Variants in GABRB1 observed in about 807,000 individuals in gnomAD.
GABRB1 encodes the protein gamma-aminobutyric acid type A receptor subunit beta1, also known as gamma-aminobutyric acid receptor subunit beta-1.
A neutral mutation model predicts 51.6 loss-of-function variants in GABRB1; 17 were observed. The ratio of observed to expected loss-of-function variants is 0.33; its 90% CI spans 0.23 to 0.49. The LOEUF (loss-of-function observed/expected upper bound fraction) is 0.49. Among genes scored for constraint, GABRB1 ranks in the 20% least tolerant of loss-of-function variants. The pLI is 0.99. For synonymous variants in GABRB1, 247 were observed against 218.9 expected, an observed-to-expected ratio of 1.13 and a Z score of -1.14; for missense variants, 410 against 600.6, an observed-to-expected ratio of 0.68 and a Z score of 3.32.
chr4:47,055,990 T>G (rs1726580962), intron 3 of GABRB1, among the ~76,000 whole-genome samples: 1 of 152,166 alleles, frequency 6.6e-6, no homozygotes, highest in Non-Finnish European at 1.5e-5. Context: ...CATTAGTAAG[T>G]CCTAAACCAA....
chr4:47,189,221 T>G (rs1719325528), intron 4 of GABRB1, among the ~76,000 whole-genome samples: 1 of 151,906 alleles, frequency 6.6e-6, no homozygotes, highest in African/African-American at 2.4e-5. Context: ...GCAATGGACA[T>G]ACTTGGAAAG....
chr4:47,383,321 G>A (rs1727657183), intron 5 of GABRB1, among the ~76,000 whole-genome samples: 1 of 152,058 alleles, frequency 6.6e-6, no homozygotes, highest in South Asian at 2.1e-4. Context: ...TATGATTATT[G>A]GAGGTTGTGT....
intron 4 of GABRB1, among the ~76,000 whole-genome samples, chr4:47,205,277 T>A (rs1032595431): frequency 1.3e-5 from 2 of 152,114 alleles, no homozygotes; most frequent in Non-Finnish European, 2.9e-5. Context: ...AAAGAGAAAA[T>A]GTAACAGAGA....
intron 4 of GABRB1, among the ~76,000 whole-genome samples, chr4:47,302,369 T>G (rs1724292436): frequency 1.3e-5 from 2 of 152,090 alleles, no homozygotes; most frequent in South Asian, 4.1e-4. Flanking sequence ...TTTACTTATT[T>G]TTATTAGAAA....
chr4:47,128,971 T>G (rs112936876), intron 3 of GABRB1, among the ~76,000 whole-genome samples: 30 of 152,134 alleles, frequency 2.0e-4, no homozygotes, highest in African/African-American at 7.0e-4. Context: ...TGGTAAAAGC[T>G]AAGGAAATAA....
In GABRB1 at chr4:47,283,612, T is replaced by G. The variant is rs200087067; in HGVS notation, c.462-36515T>G. On this transcript the variant is annotated intron_variant, in intron 4 of 8. Coordinates refer to ENST00000295454, the MANE Select transcript of GABRB1 (RefSeq NM_000812.4). ...ACTGTGTTAGCCAGGATGGTCTCCA[T>G]CTCCTGACCTCGTGATCCACCTGCC... Among the ~76,000 whole-genome samples the G allele has an allele frequency of 2.6e-4, 40 of 151,574 alleles. No homozygotes were observed. The East Asian group carries it at 7.4e-3, about 28-fold the overall frequency.
chr4:47,300,726 A>G (rs1724228909), intron 4 of GABRB1, among the ~76,000 whole-genome samples: 1 of 152,114 alleles, frequency 6.6e-6, no homozygotes, highest in African/African-American at 2.4e-5. Flanking sequence ...GTGTGCTTAT[A>G]AATCCAGATC....
At chr4:47,123,893 T>C (rs1715983758) in intron 3 of GABRB1, among the ~76,000 whole-genome samples, 1 of 80,518 alleles carries the variant, frequency 1.2e-5, no homozygotes, top group Non-Finnish European at 2.5e-5. Context: ...ATATATATAA[T>C]ATATAATATA....
At chr4:47,363,488 C>G (rs1726875784) in intron 5 of GABRB1, among the ~76,000 whole-genome samples, 1 of 152,048 alleles carries the variant, frequency 6.6e-6, no homozygotes, top group East Asian at 1.9e-4. Flanking sequence ...GATCCTGAAA[C>G]AGCTATCCCA....
At chr4:47,251,851 G>C (rs369474379) in intron 4 of GABRB1, among the ~76,000 whole-genome samples, 1 of 152,106 alleles carries the variant, frequency 6.6e-6, no homozygotes, top group East Asian at 1.9e-4. Context: ...CCACCTAACA[G>C]CCCTGAGTCT....
At chr4:47,075,217 T>C (rs1438572536) in intron 3 of GABRB1, among the ~76,000 whole-genome samples, 1 of 152,138 alleles carries the variant, frequency 6.6e-6, no homozygotes, top group African/African-American at 2.4e-5. Flanking sequence ...GCCTGCAGTC[T>C]CTGACCCAAC....
intron 4 of GABRB1, among the ~76,000 whole-genome samples, chr4:47,211,772 C>T (rs1720368511): frequency 1.3e-5 from 2 of 152,172 alleles, no homozygotes; most frequent in South Asian, 4.1e-4. Context: ...GTGGGAGAAG[C>T]TGTGCCCTTT....
intron 4 of GABRB1, among the ~76,000 whole-genome samples, chr4:47,185,198 T>C (rs897594408): frequency 3.3e-5 from 5 of 151,920 alleles, no homozygotes; most frequent in African/African-American, 1.2e-4. Flanking sequence ...TTTATGAAAA[T>C]GGACAGTCTT....
At chr4:47,294,201 A>G (rs972901085) in intron 4 of GABRB1, among the ~76,000 whole-genome samples, 2 of 152,210 alleles carry the variant, frequency 1.3e-5, no homozygotes, top group African/African-American at 4.8e-5. Flanking sequence ...TGATTTCTGC[A>G]TTTCCATCTG....
chr4:47,006,503 T>C (rs992274269), intron 1 of GABRB1, among the ~76,000 whole-genome samples: 2 of 152,200 alleles, frequency 1.3e-5, no homozygotes, highest in African/African-American at 2.4e-5. Context: ...GAATACAAAA[T>C]TATTCCAAAA....
At chr4:47,121,414 T>C (rs1715771114) in intron 3 of GABRB1, among the ~76,000 whole-genome samples, 1 of 152,194 alleles carries the variant, frequency 6.6e-6, no homozygotes, top group African/African-American at 2.4e-5. Flanking sequence ...CGATATGAAG[T>C]TAAAAAACCA....
At chr4:47,115,429 T>G (rs1037212885) in intron 3 of GABRB1, among the ~76,000 whole-genome samples, 3 of 152,100 alleles carry the variant, frequency 2.0e-5, no homozygotes, top group African/African-American at 7.2e-5. Flanking sequence ...TCTTCTTTTT[T>G]GGAAAAAGAT....
chr4:47,086,114 C>T (rs950187749), intron 3 of GABRB1, among the ~76,000 whole-genome samples: 1 of 152,178 alleles, frequency 6.6e-6, no homozygotes, highest in Non-Finnish European at 1.5e-5. Flanking sequence ...GGTTTAACAT[C>T]CCTGATTTTA....
intron 3 of GABRB1, among the ~76,000 whole-genome samples, chr4:47,149,828 G>C (rs112820103): frequency 0.029 from 4,460 of 151,896 alleles, 80 homozygotes; most frequent in Non-Finnish European, 0.045. Context: ...TCATTATGAA[G>C]TATAAAGTAG....
Sources: allele counts gnomAD v4.1 joint callset (sites outside exome capture counted in the v4.1 genomes callset), GRCh38; gene constraint gnomAD v4.1.1; transcripts MANE v1.5; gene names NCBI Gene and HGNC (gene_info 2026-07-23, HGNC 2026-07-21).